The following SHISA9 variants were observed in gnomAD, a reference collection of about 807,000 sequenced individuals.
SHISA9 encodes protein shisa-9.
A neutral mutation model predicts 38.0 loss-of-function variants in SHISA9; 13 were observed. That is an observed-to-expected ratio of 0.34 (90% CI 0.22 to 0.54). The LOEUF (loss-of-function observed/expected upper bound fraction) is 0.54, where lower values mean the gene tolerates loss of function less well. Among genes scored for constraint, SHISA9 ranks in the 20% least tolerant of loss-of-function variants. SHISA9 has a pLI of 0.91. For missense variants in SHISA9, 538 were observed against 575.8 expected, an observed-to-expected ratio of 0.93 and a Z score of 0.67; for synonymous variants, 275 against 242.0, an observed-to-expected ratio of 1.14 and a Z score of -1.27.
In SHISA9 at chr16:12,988,266, C is replaced by T. The variant is rs553989137; in HGVS notation, c.691+71451C>T. Among the ~76,000 whole-genome samples the T allele has an allele frequency of 3.9e-5, 6 of 152,294 alleles. No homozygotes were observed. The South Asian group carries it at 8.3e-4, about 21-fold the overall frequency. ...GTTAAATTCTTCATGGCTGTTGACA[C>T]GTCAATACGCTTGACTTGAAGCTTA... On this transcript the variant is annotated intron_variant, in intron 2 of 4. Coordinates refer to ENST00000558583, the MANE Select transcript of SHISA9 (RefSeq NM_001145204.3).
At chr16:13,149,221 C>A (rs2050475524) in intron 2 of SHISA9, among the ~76,000 whole-genome samples, 1 of 152,168 alleles carries the variant, frequency 6.6e-6, no homozygotes, top group Non-Finnish European at 1.5e-5. Context: ...CCTTCTGAAA[C>A]TCTCTTGATG....
intron 2 of SHISA9, among the ~76,000 whole-genome samples, chr16:13,072,658 G>A (rs539408478): frequency 6.6e-6 from 1 of 151,940 alleles, no homozygotes; most frequent in Admixed American, 6.6e-5. Context: ...TTTTAAAAAA[G>A]TAAAATCTTT....
At chr16:13,133,929 T>G (rs941273604) in intron 2 of SHISA9, among the ~76,000 whole-genome samples, 1 of 152,218 alleles carries the variant, frequency 6.6e-6, no homozygotes. Context: ...GGTGATAATA[T>G]AAAGCAGATA....
chr16:13,284,556 T>C, the SHISA9 span, among the ~76,000 whole-genome samples: 1 of 152,194 alleles, frequency 6.6e-6, no homozygotes, highest in African/African-American at 2.4e-5. Context: ...GTCAGCTCTT[T>C]CTTTAGCTCA....
the SHISA9 span, among the ~76,000 whole-genome samples, chr16:13,308,741 G>A: frequency 2.0e-5 from 3 of 152,140 alleles, no homozygotes; most frequent in Non-Finnish European, 4.4e-5. Flanking sequence ...AATATAGATT[G>A]AACATTTAAT....
chr16:13,146,761 A>T (rs2050450864), intron 2 of SHISA9, among the ~76,000 whole-genome samples: 1 of 152,120 alleles, frequency 6.6e-6, no homozygotes, highest in Non-Finnish European at 1.5e-5. Context: ...AGATGTGCCT[A>T]ATCCTGAAAT....
At chr16:12,955,063 T>TC (rs949279241) in intron 2 of SHISA9, among the ~76,000 whole-genome samples, 3 of 152,008 alleles carry the variant, frequency 2.0e-5, no homozygotes, top group Non-Finnish European at 4.4e-5. Context: ...ATTGCTGTTT[T>TC]TTTTTTATTC....
the SHISA9 span, among the ~76,000 whole-genome samples, chr16:13,381,277 T>C: frequency 2.0e-5 from 3 of 151,452 alleles, no homozygotes; most frequent in African/African-American, 7.3e-5. Context: ...AAATAAAGGG[T>C]TCCTAGCAAA....
chr16:13,324,243 C>T, the SHISA9 span, among the ~76,000 whole-genome samples: 25 of 152,238 alleles, frequency 1.6e-4, no homozygotes, highest in Non-Finnish European at 3.5e-4. Flanking sequence ...CTTTATAGAA[C>T]GCAGAATGGA....
At chr16:13,008,792 A>T (rs2141849916) in intron 2 of SHISA9, among the ~76,000 whole-genome samples, 1 of 152,032 alleles carries the variant, frequency 6.6e-6, no homozygotes, top group Middle Eastern at 3.4e-3. Flanking sequence ...ACTGTGAGTC[A>T]ATTAAACCTT....
At chr16:12,904,048 GAAGT>G (rs2141703242) in intron 1 of SHISA9, among the ~76,000 whole-genome samples, 1 of 152,220 alleles carries the variant, frequency 6.6e-6, no homozygotes, top group South Asian at 2.1e-4. Context: ...TTGCTGCACA[GAAGT>G]AAGCTCCGAG....
the SHISA9 span, among the ~76,000 whole-genome samples, chr16:13,434,538 C>T: frequency 1.3e-5 from 2 of 151,416 alleles, no homozygotes; most frequent in East Asian, 3.9e-4. Flanking sequence ...CTGCCTCAGC[C>T]TCCCGAGTAG....
At chr16:13,150,172 A>G (rs904731981) in intron 2 of SHISA9, among the ~76,000 whole-genome samples, 1 of 151,684 alleles carries the variant, frequency 6.6e-6, no homozygotes, top group Admixed American at 6.6e-5. Context: ...TCTTCACCCA[A>G]ATTGGCCTTT....
At chr16:13,491,867 G>C in the SHISA9 span, among the ~76,000 whole-genome samples, 1 of 83,654 alleles carries the variant, frequency 1.2e-5, no homozygotes, top group African/African-American at 5.2e-5. Flanking sequence ...TTAGAGATAG[G>C]GGTCTCTCTA....
At chr16:13,298,725 G>A in the SHISA9 span, among the ~76,000 whole-genome samples, 2 of 152,138 alleles carry the variant, frequency 1.3e-5, no homozygotes, top group African/African-American at 2.4e-5. Context: ...TTCATCTGGC[G>A]AAACCCTGAA....
intron 2 of SHISA9, among the ~76,000 whole-genome samples, chr16:13,043,436 A>G (rs981700441): frequency 6.6e-6 from 1 of 152,226 alleles, no homozygotes; most frequent in African/African-American, 2.4e-5. Flanking sequence ...TGGTTTCTCT[A>G]TGATTCCTGA....
chr16:13,381,927 G>A, the SHISA9 span, among the ~76,000 whole-genome samples: 1 of 152,162 alleles, frequency 6.6e-6, no homozygotes, highest in African/African-American at 2.4e-5. Flanking sequence ...ATGACATGAA[G>A]AGAGTGTTCC....
chr16:13,281,099 C>T, the SHISA9 span, among the ~76,000 whole-genome samples: 1 of 151,642 alleles, frequency 6.6e-6, no homozygotes, highest in Non-Finnish European at 1.5e-5. Context: ...TAACTTAATT[C>T]TCGTTTTTAA....
the SHISA9 span, among the ~76,000 whole-genome samples, chr16:13,365,313 T>C: frequency 6.6e-6 from 1 of 152,180 alleles, no homozygotes; most frequent in East Asian, 1.9e-4. Context: ...AAGGAGGACC[T>C]ACAATGTAAG....
Sources: gnomAD v4.1 joint callset for allele counts (sites outside exome capture counted in the v4.1 genomes callset) on GRCh38, gnomAD v4.1.1 for gene constraint, MANE v1.5 for transcripts, NCBI Gene and HGNC (gene_info 2026-07-23, HGNC 2026-07-21) for gene names.